KCNIP3: variants seen among roughly 807,000 people sequenced by gnomAD.
The protein encoded by KCNIP3 is calsenilin.
In KCNIP3, 28 loss-of-function variants were observed where a neutral mutation model predicts 35.0. That is an observed-to-expected ratio of 0.80 (90% confidence interval 0.59 to 1.10). KCNIP3 has a LOEUF of 1.10. Among genes scored for constraint, KCNIP3 ranks in the 50% least tolerant of loss-of-function variants. The pLI is 0.00. For missense variants in KCNIP3, 295 were observed against 338.4 expected (o/e 0.87, Z 1.01); for synonymous variants, 134 against 133.8 (o/e 1.00, Z -0.01).
chr2:95,307,127 T>C (rs1368134627), intron 1 of KCNIP3, among the ~76,000 whole-genome samples: 5 of 152,156 alleles, frequency 3.3e-5, no homozygotes, highest in Non-Finnish European at 5.9e-5. Context: ...GCCTGCCTTG[T>C]GGGGCTCACA....
chr2:95,321,813 C>A (rs1652037954), intron 2 of KCNIP3, among the ~76,000 whole-genome samples: 1 of 152,184 alleles, frequency 6.6e-6, no homozygotes, highest in South Asian at 2.1e-4. Context: ...ACCATGGCAT[C>A]TGTAACTGTG....
chr2:95,302,379 A>G (rs866816321), intron 1 of KCNIP3, among the ~76,000 whole-genome samples: 4 of 152,218 alleles, frequency 2.6e-5, no homozygotes, highest in Non-Finnish European at 4.4e-5. Context: ...TTTCAGATCT[A>G]TTGAGGAGCT....
chr2:95,317,182 G>A (rs1253820820), intron 2 of KCNIP3, among the ~76,000 whole-genome samples: 1 of 152,346 alleles, frequency 6.6e-6, no homozygotes, highest in South Asian at 2.1e-4. Flanking sequence ...CTAGGCAGGG[G>A]ACTGTGTGAG....
chr2:95,359,817 C>G (rs1461106543), intron 2 of KCNIP3, among the ~76,000 whole-genome samples: 1 of 152,242 alleles, frequency 6.6e-6, no homozygotes, highest in Non-Finnish European at 1.5e-5. Flanking sequence ...GAGCCACACC[C>G]AGGCCCACTT....
chr2:95,358,038 G>A (rs932445792), intron 2 of KCNIP3, among the ~76,000 whole-genome samples: 2 of 152,240 alleles, frequency 1.3e-5, no homozygotes, highest in African/African-American at 4.8e-5. Flanking sequence ...GTTCAGGAGG[G>A]ATGGGAGCCG....
chr2:95,342,792 A>G (rs1307728258), intron 2 of KCNIP3, among the ~76,000 whole-genome samples: 2 of 152,182 alleles, frequency 1.3e-5, no homozygotes, highest in African/African-American at 4.8e-5. Flanking sequence ...CCCTGAGCCA[A>G]TCACTGTGGC....
intron 5 of KCNIP3, 66 bp from the exon 6 acceptor site, chr2:95,381,530 C>T (rs575238639): frequency 1.7e-6 from 2 of 1,199,308 alleles, no homozygotes; most frequent in East Asian, 2.4e-5. Context: ...GGAAGCCACA[C>T]AGCAACTGGA....
In KCNIP3 at chr2:95,378,576, A is replaced by T. The variant is rs1325302219; in HGVS notation, c.448-3020A>T. On this transcript the variant is annotated intron_variant, in intron 5 of 8. Transcript: ENST00000295225. The surrounding 1 kb of genome is among the most constrained non-coding windows in gnomAD (Gnocchi z 4.0). ...ATAGCGAAACCCCGTCTCTACTAAA[A>T]ATACAAAAAAAAAAAAAAAATTAGC... Among the ~76,000 whole-genome samples, 1 of 148,144 alleles carries T rather than the reference A, an allele frequency of 6.8e-6. No homozygotes were observed. The highest frequency in any genetic ancestry group is 1.5e-5 in the Non-Finnish European group (1 of 66,722).
chr2:95,362,049 A>C (rs561307966), intron 2 of KCNIP3, among the ~76,000 whole-genome samples: 1 of 151,258 alleles, frequency 6.6e-6, no homozygotes, highest in Non-Finnish European at 1.5e-5. Flanking sequence ...CTCTGTCTTC[A>C]TGTGGCCTTT....
intron 2 of KCNIP3, among the ~76,000 whole-genome samples, chr2:95,322,088 G>A (rs1038356178): frequency 3.4e-4 from 52 of 152,170 alleles, no homozygotes; most frequent in Non-Finnish European, 6.0e-4. Context: ...AGGTTGGCAA[G>A]GCCTAGTGGC....
chr2:95,338,334 T>C (rs1679112295), intron 2 of KCNIP3, among the ~76,000 whole-genome samples: 1 of 152,220 alleles, frequency 6.6e-6, no homozygotes, highest in Admixed American at 6.5e-5. Flanking sequence ...CGAGTTTAGC[T>C]TTCTCAAGCA....
rs554938645 is a variant in KCNIP3 at position 95,355,679 on chromosome 2, C to T, written c.182-18617C>T. On this transcript the variant is annotated intron_variant, in intron 2 of 8. Coordinates refer to ENST00000295225, the MANE Select transcript of KCNIP3 (RefSeq NM_013434.5). ...GTCCCTGCAAAGGACATGAACTCAT[C>T]CTTTTTTATGGCTGCATAGTATTCC... Among the ~76,000 whole-genome samples the T allele has an allele frequency of 1.4e-3, 212 of 152,256 alleles. 1 individual carries two copies. Among genetic ancestry groups the T allele is most frequent in the African/African-American group, 5.0e-3 (207 of 41,540 alleles).
At chr2:95,351,559 G>A (rs144426325) in intron 2 of KCNIP3, among the ~76,000 whole-genome samples, 216 of 152,362 alleles carry the variant, frequency 1.4e-3, no homozygotes, top group African/African-American at 4.9e-3. Context: ...GTGCAGGTTT[G>A]TGGGAAGCTC....
chr2:95,331,105 C>A (rs1234368515), intron 2 of KCNIP3, among the ~76,000 whole-genome samples: 1 of 152,028 alleles, frequency 6.6e-6, no homozygotes, highest in African/African-American at 2.4e-5. Flanking sequence ...GAGGCCCCTC[C>A]TGCTGATGAG....
At chr2:95,347,425 G>T (rs923154379) in intron 2 of KCNIP3, among the ~76,000 whole-genome samples, 1 of 152,206 alleles carries the variant, frequency 6.6e-6, no homozygotes, top group African/African-American at 2.4e-5. Context: ...CACCGGCTTG[G>T]GTCGCCCTGT....
chr2:95,358,916 T>G (rs1201372518), intron 2 of KCNIP3, among the ~76,000 whole-genome samples: 1 of 152,192 alleles, frequency 6.6e-6, no homozygotes, highest in Non-Finnish European at 1.5e-5. Flanking sequence ...GAGGATCACT[T>G]GAGATCAGGA....
intron 2 of KCNIP3, among the ~76,000 whole-genome samples, chr2:95,355,938 T>G (rs562706953): frequency 3.9e-5 from 6 of 152,344 alleles, no homozygotes; most frequent in Non-Finnish European, 8.8e-5. Flanking sequence ...TCCACAATGT[T>G]TGAACTAATT....
At chr2:95,322,226 T>C (rs1678613386) in intron 2 of KCNIP3, among the ~76,000 whole-genome samples, 1 of 152,042 alleles carries the variant, frequency 6.6e-6, no homozygotes, top group Admixed American at 6.6e-5. Flanking sequence ...TAGCCGGACA[T>C]GGTGACACAC....
rs190791916 is a variant in KCNIP3, at chr2:95,331,800, C to G, written c.181+21280C>G. Among the ~76,000 whole-genome samples the G allele has an allele frequency of 8.5e-4, 129 of 152,354 alleles. 1 individual carries two copies. Among genetic ancestry groups the G allele is most frequent in the African/African-American group, 2.9e-3 (119 of 41,578 alleles). ...CACTGGCCAGGGCAGGTGCCCGACC[C>G]AGGCTGGGCCAAGGAGATCCCTTCT... is the stretch of plus-strand genomic sequence containing the variant. On this transcript the variant is annotated intron_variant, in intron 2 of 8. Transcript: ENST00000295225.
Sources: allele counts gnomAD v4.1 joint callset (sites outside exome capture counted in the v4.1 genomes callset), GRCh38; gene constraint gnomAD v4.1.1; non-coding constraint Gnocchi (gnomAD v3.1); transcripts MANE v1.5; gene names NCBI Gene and HGNC (gene_info 2026-07-23, HGNC 2026-07-21).